Variants in NSUN4 observed in about 807,000 individuals in gnomAD.
NSUN4 encodes the protein NOP2/Sun RNA methyltransferase 4.
NSUN4 carries 31 observed loss-of-function variants against 43.8 expected under a neutral mutation model. The observed-to-expected ratio is 0.71, with a 90% CI of 0.53 to 0.96. NSUN4 has a LOEUF of 0.96. Among genes scored for constraint, NSUN4 ranks in the 40% least tolerant of loss-of-function variants. The pLI, the probability that NSUN4 is intolerant of heterozygous loss-of-function variation, is 0.00. For synonymous variants in NSUN4, 167 were observed against 184.1 expected (o/e 0.91, Z 0.75); for missense variants, 439 against 475.6 (o/e 0.92, Z 0.72).
At chr1:46,378,200 G>T in the NSUN4 span, among the ~76,000 whole-genome samples, 14 of 69,512 alleles carry the variant, frequency 2.0e-4, no homozygotes, top group Admixed American at 3.4e-3. Flanking sequence ...CCATAGCAGA[G>T]ATTTTTTTTT....
At chr1:46,384,106 G>A in the NSUN4 span, among the ~76,000 whole-genome samples, 1 of 152,286 alleles carries the variant, frequency 6.6e-6, no homozygotes, top group African/African-American at 2.4e-5. Flanking sequence ...AATGAGTCAG[G>A]GCAGAGCAGG....
intron 3 of NSUN4, among the ~76,000 whole-genome samples, chr1:46,347,308 C>T (rs1046640391): frequency 3.9e-5 from 6 of 152,070 alleles, no homozygotes; most frequent in African/African-American, 1.2e-4. Context: ...TGTGGTGGTG[C>T]ACTCCTGTAA....
At chr1:46,360,247 AAAATATATATAT>A (rs1186653450) in intron 4 of NSUN4, among the ~76,000 whole-genome samples, 1,540 of 23,074 alleles carry the variant, frequency 0.067, 17 homozygotes, top group East Asian at 0.11. Context: ...AAAAAAAAAA[AAAATATATATAT>A]ATATATATAT....
intron 4 of NSUN4, among the ~76,000 whole-genome samples, chr1:46,355,784 G>C (rs977477638): frequency 1.3e-5 from 2 of 152,134 alleles, no homozygotes; most frequent in Non-Finnish European, 2.9e-5. Flanking sequence ...GGAGGCCAAG[G>C]TGGGTGGATC....
chr1:46,361,520 T>G, intron 5 of NSUN4, 50 bp from the exon 6 acceptor site: 2 of 1,559,830 alleles, frequency 1.3e-6, no homozygotes, highest in Non-Finnish European at 1.8e-6. Flanking sequence ...GTTGCTCTTC[T>G]ACTGCTGGGA....
rs1278977708 is a variant in NSUN4, at chr1:46,364,355, G to T, written c.*2509G>T. 7.4e-6 allele frequency: 1 copy of T among 135,000 alleles called. No individual in the cohort carries two copies. The highest frequency in any genetic ancestry group is 2.7e-5 in the African/African-American group (1 of 36,546). 8.4% of individuals were successfully genotyped at this position (135,000 alleles called of 1,614,324 possible). Reference sequence around the variant, plus strand: ...CTCAAAAAAAAAAAAAAAAAAAAAGGCATTGGGATTTATAATGTGCTGTTT... The same window carrying T: ...CTCAAAAAAAAAAAAAAAAAAAAAGTCATTGGGATTTATAATGTGCTGTTT... On this transcript the variant is annotated 3_prime_UTR_variant, in exon 6 of 6. Coordinates refer to ENST00000474844, the MANE Select transcript of NSUN4 (RefSeq NM_199044.4).
chr1:46,381,198 C>T, the NSUN4 span, among the ~76,000 whole-genome samples: 1 of 152,214 alleles, frequency 6.6e-6, no homozygotes. Flanking sequence ...TCTGCATTTC[C>T]ACCAAAGCCT....
In NSUN4 at chr1:46,352,719, T is replaced by C. The variant is rs573149747; in HGVS notation, c.593-149T>C. ...CCATTGTACCCCCACTCAGAATGACTGATGCTGTGCCATGCACATAATAAA... is the reference window on the plus strand; with the variant it reads ...CCATTGTACCCCCACTCAGAATGACCGATGCTGTGCCATGCACATAATAAA... On this transcript the variant is annotated intron_variant, in intron 3 of 5. Coordinates refer to ENST00000474844, the MANE Select transcript of NSUN4 (RefSeq NM_199044.4). 5.5e-6 allele frequency: 4 copies of C among 728,708 alleles called. No individual in the cohort carries two copies. The East Asian group carries it at 9.9e-5, about 18-fold the overall frequency. The allele number at this position is 728,708 out of a possible 1,614,324, so 45.1% of individuals were successfully genotyped here.
chr1:46,384,110 G>C, the NSUN4 span, among the ~76,000 whole-genome samples: 1 of 152,200 alleles, frequency 6.6e-6, no homozygotes, highest in African/African-American at 2.4e-5. Context: ...AGTCAGGGCA[G>C]AGCAGGTAAT....
intron 4 of NSUN4, among the ~76,000 whole-genome samples, chr1:46,357,292 G>A (rs934771553): frequency 1.3e-5 from 2 of 152,086 alleles, no homozygotes; most frequent in Admixed American, 6.6e-5. Flanking sequence ...CAATTCTCCC[G>A]CCTCATCCTC....
chr1:46,350,774 C>T (rs1662918329), intron 3 of NSUN4, among the ~76,000 whole-genome samples: 1 of 152,200 alleles, frequency 6.6e-6, no homozygotes, highest in Non-Finnish European at 1.5e-5. Context: ...GACTTAAGCT[C>T]CCTTTTTCCT....
intron 3 of NSUN4, among the ~76,000 whole-genome samples, chr1:46,348,116 G>C (rs558580792): frequency 6.6e-6 from 1 of 152,204 alleles, no homozygotes; most frequent in South Asian, 2.1e-4. Context: ...TCCTGACCTT[G>C]TGATCTGCCC....
intron 1 of NSUN4, 126 bp downstream of exon 1, chr1:46,341,045 C>T (rs1662059637): frequency 1.8e-6 from 2 of 1,109,880 alleles, no homozygotes; most frequent in Admixed American, 3.0e-5. Flanking sequence ...CCTTAGGCAC[C>T]TCCCTCTCTC....
downstream of NSUN4, among the ~76,000 whole-genome samples, chr1:46,369,409 A>T (rs1224578090): frequency 1.3e-5 from 2 of 152,204 alleles, no homozygotes; most frequent in Non-Finnish European, 2.9e-5. Context: ...ACAGAGCAGA[A>T]AAAAGTCCTT....
chr1:46,357,011 A>G (rs1663429516), intron 4 of NSUN4, among the ~76,000 whole-genome samples: 1 of 152,216 alleles, frequency 6.6e-6, no homozygotes, highest in African/African-American at 2.4e-5. Flanking sequence ...TGGGAGCACT[A>G]TCCTGGCACG....
chr1:46,381,249 G>C, the NSUN4 span, among the ~76,000 whole-genome samples: 2 of 152,148 alleles, frequency 1.3e-5, no homozygotes, highest in African/African-American at 2.4e-5. Context: ...ATTCAGGCCA[G>C]ATTTTTGGTC....
At chr1:46,348,602 G>C (rs1473335063) in intron 3 of NSUN4, among the ~76,000 whole-genome samples, 1 of 151,188 alleles carries the variant, frequency 6.6e-6, no homozygotes, top group South Asian at 2.1e-4. Context: ...CCAACTACTT[G>C]GGAGGCTGAG....
At chr1:46,355,565 CAGT>C (rs1244486870) in intron 4 of NSUN4, among the ~76,000 whole-genome samples, 1 of 152,162 alleles carries the variant, frequency 6.6e-6, no homozygotes, top group Non-Finnish European at 1.5e-5. Context: ...AGAAAACATT[CAGT>C]AGTAGTATAA....
chr1:46,341,080 C>T lies in NSUN4; in HGVS notation c.93+161C>T, dbSNP rs985915814. The T allele has an allele frequency of 1.3e-4, 151 of 1,170,310 alleles. No individual in the cohort carries two copies. The African/African-American group carries it at 2.3e-3, about 17-fold the overall frequency. The allele number at this position is 1,170,310 out of a possible 1,614,324, so 72.5% of individuals were successfully genotyped here. A position where few individuals can be genotyped will look rare whatever the true frequency, so the allele number is the denominator to read the frequency against. ...CGTCTTTTCCGTCACCGCCTCTGTC[C>T]GCACTCTATGTCCCGAGCGTTAGTG... On this transcript the variant is annotated intron_variant, in intron 1 of 5. Coordinates refer to ENST00000474844, the MANE Select transcript of NSUN4 (RefSeq NM_199044.4).
Sources: allele counts gnomAD v4.1 joint callset (sites outside exome capture counted in the v4.1 genomes callset), GRCh38; gene constraint gnomAD v4.1.1; transcripts MANE v1.5; gene names NCBI Gene and HGNC (gene_info 2026-07-23, HGNC 2026-07-21).